Variants in GRID2 observed in about 807,000 individuals in gnomAD.
GRID2 encodes the protein glutamate ionotropic receptor delta type subunit 2.
Under a neutral mutation model 114.8 loss-of-function variants are expected in GRID2, and 33 were observed. The ratio of observed to expected loss-of-function variants is 0.29; its 90% CI spans 0.22 to 0.38. The LOEUF (loss-of-function observed/expected upper bound fraction) is 0.38. GRID2 is among the 10% of genes least tolerant of loss of function. The pLI is 1.00. For missense variants in GRID2, 1,184 were observed against 1,257.7 expected (o/e 0.94, Z 0.89); for synonymous variants, 505 against 449.9 (o/e 1.12, Z -1.55).
At chr4:92,827,176 T>C (rs1281913641) in intron 2 of GRID2, among the ~76,000 whole-genome samples, 1 of 152,048 alleles carries the variant, frequency 6.6e-6, no homozygotes, top group African/African-American at 2.4e-5. Context: ...ACCAAGGGAT[T>C]TGCAAGTGTT....
intron 14 of GRID2, among the ~76,000 whole-genome samples, chr4:93,766,860 GTATTGCTAAC>G (rs2110328701): frequency 6.6e-6 from 1 of 152,240 alleles, no homozygotes; most frequent in Admixed American, 6.5e-5. Context: ...GTACAATACA[GTATTGCTAAC>G]TATAGTTACA....
chr4:93,314,496 C>T (rs748845176), intron 8 of GRID2, among the ~76,000 whole-genome samples: 1 of 152,012 alleles, frequency 6.6e-6, no homozygotes, highest in Non-Finnish European at 1.5e-5. Context: ...GGAACATTCT[C>T]TTTACAATTT....
chr4:92,382,589 A>T (rs1729671965), intron 1 of GRID2, among the ~76,000 whole-genome samples: 1 of 152,102 alleles, frequency 6.6e-6, no homozygotes, highest in Non-Finnish European at 1.5e-5. Flanking sequence ...ATTAAAGCAC[A>T]TTGTTAAGAA....
At chr4:92,610,247 G>A (rs1042708562) in intron 2 of GRID2, among the ~76,000 whole-genome samples, 1 of 151,572 alleles carries the variant, frequency 6.6e-6, no homozygotes, top group Non-Finnish European at 1.5e-5. Flanking sequence ...GGCAGATGGG[G>A]ACAATGCATT....
chr4:93,515,433 T>A, intron 13 of GRID2, 22 bp downstream of exon 13: 1 of 1,448,990 alleles, frequency 6.9e-7, no homozygotes, highest in Non-Finnish European at 9.6e-7. Context: ...GGTTCTCCTT[T>A]AATAGTCCTT....
At chr4:92,669,198 A>T (rs935158773) in intron 2 of GRID2, among the ~76,000 whole-genome samples, 3 of 151,970 alleles carry the variant, frequency 2.0e-5, no homozygotes, top group Non-Finnish European at 4.4e-5. Context: ...TTTTTATATT[A>T]TTAGTCTAGG....
At chr4:93,274,053 CTTT>C (rs869271055) in intron 8 of GRID2, among the ~76,000 whole-genome samples, 3 of 16,322 alleles carry the variant, frequency 1.8e-4, no homozygotes, top group Non-Finnish European at 3.2e-4. Flanking sequence ...AATACTTTTT[CTTT>C]TTTTGTTTTT....
chr4:92,526,222 A>ATT (rs35991312), intron 1 of GRID2, among the ~76,000 whole-genome samples: 1 of 151,992 alleles, frequency 6.6e-6, no homozygotes, highest in Non-Finnish European at 1.5e-5. Flanking sequence ...AATTCATTAG[A>ATT]TTTTTTCCCA....
At chr4:92,869,381 A>T (rs1009525865) in intron 2 of GRID2, among the ~76,000 whole-genome samples, 2 of 152,224 alleles carry the variant, frequency 1.3e-5, no homozygotes, top group Non-Finnish European at 2.9e-5. Flanking sequence ...TTTAAATTTC[A>T]AAAATCCAGC....
At chr4:92,318,076 G>T (rs1408505010) in intron 1 of GRID2, among the ~76,000 whole-genome samples, 1 of 151,808 alleles carries the variant, frequency 6.6e-6, no homozygotes, top group African/African-American at 2.4e-5. Context: ...CCTGTTGATG[G>T]TATATTATAG....
chr4:92,830,147 C>T (rs1379910633), intron 2 of GRID2, among the ~76,000 whole-genome samples: 1 of 151,286 alleles, frequency 6.6e-6, no homozygotes, highest in Non-Finnish European at 1.5e-5. Context: ...TAAAGCAATC[C>T]TGGGACTCAT....
chr4:93,605,995 G>A (rs1740197626), intron 13 of GRID2, among the ~76,000 whole-genome samples: 1 of 152,124 alleles, frequency 6.6e-6, no homozygotes. Flanking sequence ...GGCTGGCCAT[G>A]GTGGCTCACG....
chr4:92,953,607 A>C (rs1387983050), intron 2 of GRID2, among the ~76,000 whole-genome samples: 1 of 152,170 alleles, frequency 6.6e-6, no homozygotes, highest in Non-Finnish European at 1.5e-5. Flanking sequence ...TTTAATAGAA[A>C]TTACTAACCA....
intron 1 of GRID2, among the ~76,000 whole-genome samples, chr4:92,459,243 A>T (rs148216356): frequency 6.6e-6 from 1 of 152,324 alleles, no homozygotes; most frequent in South Asian, 2.1e-4. Context: ...AAATAAATCA[A>T]TATTCAAATA....
chr4:92,560,135 G>T (rs1483341085), intron 1 of GRID2, among the ~76,000 whole-genome samples: 1 of 152,124 alleles, frequency 6.6e-6, no homozygotes, highest in Non-Finnish European at 1.5e-5. Context: ...ATCCAAAATG[G>T]TGCCTTCTTG....
chr4:93,627,532 C>T (rs1742836140), intron 14 of GRID2, among the ~76,000 whole-genome samples: 1 of 152,144 alleles, frequency 6.6e-6, no homozygotes, highest in African/African-American at 2.4e-5. Flanking sequence ...GCAAACAACT[C>T]TAAAGTATAA....
chr4:93,746,304 A>C (rs562110383), intron 14 of GRID2, among the ~76,000 whole-genome samples: 1 of 152,250 alleles, frequency 6.6e-6, no homozygotes, highest in South Asian at 2.1e-4. Flanking sequence ...AATACATACA[A>C]TAAAACTGCT....
chr4:92,384,616 TTATATATTATATATAA>T (rs1342017757), intron 1 of GRID2, among the ~76,000 whole-genome samples: 17 of 58,032 alleles, frequency 2.9e-4, no homozygotes, highest in Admixed American at 9.1e-4. Flanking sequence ...ATAATATATG[TTATATATTATATATAA>T]TATATATTAT....
At chr4:92,652,309 T>G (rs1405921388) in intron 2 of GRID2, among the ~76,000 whole-genome samples, 1 of 151,982 alleles carries the variant, frequency 6.6e-6, no homozygotes, top group East Asian at 1.9e-4. Context: ...GAAATAATGT[T>G]TTACCAGCCA....
Sources: allele counts gnomAD v4.1 joint callset (sites outside exome capture counted in the v4.1 genomes callset), GRCh38; gene constraint gnomAD v4.1.1; transcripts MANE v1.5; gene names NCBI Gene and HGNC (gene_info 2026-07-23, HGNC 2026-07-21).